PTPRE: variants seen among roughly 807,000 people sequenced by gnomAD.
PTPRE encodes protein tyrosine phosphatase receptor type E.
A neutral mutation model predicts 102.0 loss-of-function variants in PTPRE; 51 were observed. The observed-to-expected ratio is 0.50, with a 90% CI of 0.40 to 0.63. PTPRE has a LOEUF of 0.63. Among genes scored for constraint, PTPRE ranks in the 30% least tolerant of loss-of-function variants. The pLI is 0.00. For missense variants in PTPRE, 752 were observed against 915.1 expected (o/e 0.82, Z 2.30); for synonymous variants, 345 against 348.2 (o/e 0.99, Z 0.10).
At chr10:128,057,575 ATAAT>A (rs950891128) in intron 7 of PTPRE, among the ~76,000 whole-genome samples, 5 of 152,222 alleles carry the variant, frequency 3.3e-5, no homozygotes, top group Non-Finnish European at 7.3e-5. Flanking sequence ...CTTTTTAGAA[ATAAT>A]TCTGTCCCAT....
chr10:127,922,152 G>A (rs1846649623), intron 1 of PTPRE, among the ~76,000 whole-genome samples: 1 of 152,258 alleles, frequency 6.6e-6, no homozygotes, highest in African/African-American at 2.4e-5. Flanking sequence ...CAGCTGAGCT[G>A]ACAGAGATCA....
chr10:127,977,288 A>T (rs1004429738), intron 1 of PTPRE, among the ~76,000 whole-genome samples: 2 of 152,218 alleles, frequency 1.3e-5, no homozygotes, highest in Admixed American at 1.3e-4. Context: ...AACTGCATGA[A>T]GTGGAGTTTT....
In PTPRE at chr10:128,082,195, C is replaced by CTCTCTTTT. The variant is rs1554951767; in HGVS notation, c.2029-636_2029-635insCTCTTTTT. ...TTAGTACTCTGATTTTTTTCTCTTT[C>CTCTCTTTT]TTTTTTTTTTTTTTTTTTTTTTTTT... On this transcript the variant is annotated intron_variant, in intron 20 of 20. Coordinates refer to ENST00000254667, the MANE Select transcript of PTPRE (RefSeq NM_006504.6). 1.7e-3 allele frequency among the ~76,000 whole-genome samples: 154 copies of CTCTCTTTT among 89,036 alleles called. 6 individuals carry two copies. The highest frequency in any genetic ancestry group is 6.3e-3 in the Middle Eastern group (1 of 160). The allele number at this position is 89,036 out of a possible 152,430, so 58.4% of individuals were successfully genotyped here.
chr10:128,074,677 A>C (rs1851074733), intron 17 of PTPRE, among the ~76,000 whole-genome samples: 1 of 152,044 alleles, frequency 6.6e-6, no homozygotes, highest in South Asian at 2.1e-4. Context: ...AAAAAAAAAA[A>C]AAAAGTTTCT....
intron 1 of PTPRE, among the ~76,000 whole-genome samples, chr10:127,971,823 G>T (rs1431775338): frequency 6.6e-6 from 1 of 152,204 alleles, no homozygotes; most frequent in Non-Finnish European, 1.5e-5. Flanking sequence ...GTTCCTGCTG[G>T]GATGGCCATG....
At chr10:127,999,824 C>A (rs1853683479) in intron 2 of PTPRE, 2 of 985,320 alleles carry the variant, frequency 2.0e-6, no homozygotes, top group Non-Finnish European at 2.4e-6. Context: ...AAAGGGAATA[C>A]TCAGTAAATG....
At chr10:127,953,097 G>A (rs890289683) in intron 1 of PTPRE, among the ~76,000 whole-genome samples, 2 of 152,166 alleles carry the variant, frequency 1.3e-5, no homozygotes, top group Non-Finnish European at 1.5e-5. Context: ...TTCTCCTTTG[G>A]GTGTGTTACT....
At position 128,070,500 on chromosome 10, in the gene PTPRE, A is replaced by G. The variant is rs1175162168; in HGVS notation, c.1293+50A>G. 27 of 1,582,370 alleles carry G rather than the reference A, an allele frequency of 1.7e-5. No homozygotes were observed. The Admixed American group carries it at 4.8e-4, about 28-fold the overall frequency. The stretch of plus-strand genomic sequence containing the variant: ...CATCCTGGTGTAAGCAGCCAAGGGC[A>G]CGAGGAAAACAGGTGACCATTTAAA... On this transcript the variant is annotated intron_variant, in intron 14 of 20. Transcript: ENST00000254667. The surrounding 1 kb of genome is among the most constrained non-coding windows in gnomAD (Gnocchi z 4.8).
intron 1 of PTPRE, among the ~76,000 whole-genome samples, chr10:127,969,650 G>C (rs995830997): frequency 1.5e-5 from 2 of 135,266 alleles, no homozygotes; most frequent in Non-Finnish European, 3.1e-5. Flanking sequence ...CCTGGCAACA[G>C]AGCGATACTC....
chr10:127,943,339 C>T (rs935223957), intron 1 of PTPRE, among the ~76,000 whole-genome samples: 1 of 152,178 alleles, frequency 6.6e-6, no homozygotes, highest in Non-Finnish European at 1.5e-5. Flanking sequence ...TCTCACACTC[C>T]CTGTAACCCT....
intron 3 of PTPRE, among the ~76,000 whole-genome samples, chr10:128,047,159 T>C (rs10764741): frequency 0.8 from 122,340 of 152,184 alleles, 49,377 homozygotes; most frequent in East Asian, 0.84. Context: ...CCCCAGGGAT[T>C]TTGGACAAGT....
intron 2 of PTPRE, among the ~76,000 whole-genome samples, chr10:128,004,468 G>GA (rs1177219776): frequency 2.6e-5 from 4 of 152,046 alleles, no homozygotes; most frequent in African/African-American, 9.7e-5. Flanking sequence ...CATCTGTATT[G>GA]ATTTACATAT....
intron 6 of PTPRE, among the ~76,000 whole-genome samples, chr10:128,054,845 AG>A (rs1848823244): frequency 6.6e-6 from 1 of 152,084 alleles, no homozygotes; most frequent in African/African-American, 2.4e-5. Context: ...AAAGCTACGC[AG>A]TGAGGCCTGC....
At chr10:128,073,239 T>G (rs1271560430) in intron 16 of PTPRE, 98 bp from the exon 17 acceptor site, 5 of 1,509,504 alleles carry the variant, frequency 3.3e-6, no homozygotes, top group Middle Eastern at 1.8e-4. Context: ...TGAGAGAGTT[T>G]TCCTCATTAG....
intron 1 of PTPRE, among the ~76,000 whole-genome samples, chr10:127,927,121 AAGAGTGACAATGGCAGGTAGGTACACTGG>A (rs1433847258): frequency 2.1e-4 from 32 of 152,088 alleles, no homozygotes; most frequent in African/African-American, 7.7e-4. Flanking sequence ...CTCTTAATCC[AAGAGTGACAATGGCAGGTAGGTACACTGG>A]AGAGTGACAA....
chr10:127,979,386 C>G (rs566979991), intron 1 of PTPRE, among the ~76,000 whole-genome samples: 6 of 152,328 alleles, frequency 3.9e-5, no homozygotes, highest in African/African-American at 1.4e-4. Flanking sequence ...TAATGGAAGT[C>G]TTCACTTGGT....
intron 2 of PTPRE, among the ~76,000 whole-genome samples, chr10:128,034,108 A>G (rs1206718759): frequency 2.0e-5 from 3 of 152,220 alleles, no homozygotes; most frequent in Non-Finnish European, 4.4e-5. Flanking sequence ...GCTTTGTAGT[A>G]TGCACTTTCT....
intron 1 of PTPRE, among the ~76,000 whole-genome samples, chr10:127,969,334 C>T (rs762021133): frequency 1.8e-4 from 28 of 152,096 alleles, no homozygotes; most frequent in Non-Finnish European, 3.2e-4. Flanking sequence ...GGGCAGGGGC[C>T]GTGAAGACAT....
intron 1 of PTPRE, among the ~76,000 whole-genome samples, chr10:127,972,592 C>A (rs1850838125): frequency 6.6e-6 from 1 of 152,224 alleles, no homozygotes; most frequent in Non-Finnish European, 1.5e-5. Flanking sequence ...TTTCCAAGCT[C>A]GTCCACCCAA....
Sources: gnomAD v4.1 joint callset for allele counts (sites outside exome capture counted in the v4.1 genomes callset) on GRCh38, gnomAD v4.1.1 for gene constraint, Gnocchi (gnomAD v3.1) non-coding constraint, MANE v1.5 for transcripts, NCBI Gene and HGNC (gene_info 2026-07-23, HGNC 2026-07-21) for gene names.